ICAM3: variants seen among roughly 807,000 people sequenced by gnomAD.
ICAM3 encodes the protein intercellular adhesion molecule 3, also known as ICAM-3.
Under a neutral mutation model 43.6 loss-of-function variants are expected in ICAM3, and 54 were observed. The ratio of observed to expected loss-of-function variants is 1.24; its 90% CI spans 0.99 to 1.55. ICAM3 has a LOEUF of 1.55. ICAM3 is among the 40% of genes most tolerant of loss of function. ICAM3 has a pLI of 0.00. For synonymous variants in ICAM3, 306 were observed against 312.6 expected (o/e 0.98, Z 0.22); for missense variants, 715 against 717.9 (o/e 1.00, Z 0.05).
In ICAM3 at chr19:10,339,112, CAGA is replaced by C. The variant is rs1455876909; in HGVS notation, c.77-167_77-165del. ...AATCCATCAGAGACCGGGGAGAACT[CAGA>C]AGGAGGCCAGAAGAGGCTCTGATCC... is the stretch of plus-strand genomic sequence containing the variant. On this transcript the variant is annotated intron_variant, in intron 1 of 6. Transcript: ENST00000160262. The C allele has an allele frequency of 5.6e-6, 4 of 720,582 alleles. No homozygotes were observed. The Admixed American group carries it at 1.2e-4, about 21-fold the overall frequency. 44.6% of individuals were successfully genotyped at this position (720,582 alleles called of 1,614,324 possible). A position where few individuals can be genotyped will look rare whatever the true frequency, so the allele number is the denominator to read the frequency against.
intron 2 of ICAM3, 69 bp from the exon 3 acceptor site, chr19:10,336,045 G>A (rs527316385): frequency 5.2e-4 from 732 of 1,403,726 alleles, no homozygotes; most frequent in Non-Finnish European, 6.4e-4. Flanking sequence ...AGGGACTGGG[G>A]AGGAGACAGG....
intron 2 of ICAM3, among the ~76,000 whole-genome samples, chr19:10,338,417 A>G (rs1441955571): frequency 6.6e-6 from 1 of 151,924 alleles, no homozygotes; most frequent in Non-Finnish European, 1.5e-5. Flanking sequence ...AAAAAAAAAA[A>G]AATGCTTGTT....
intron 2 of ICAM3, among the ~76,000 whole-genome samples, chr19:10,337,037 G>A (rs2040605684): frequency 6.6e-6 from 1 of 151,834 alleles, no homozygotes; most frequent in Admixed American, 6.6e-5. Flanking sequence ...TTGAACCCAG[G>A]AGGCGGAGGT....
intron 1 of ICAM3, 40 bp downstream of exon 1, chr19:10,339,499 C>T (rs375409719): frequency 3.9e-5 from 61 of 1,575,910 alleles, no homozygotes; most frequent in Non-Finnish European, 4.9e-5. Context: ...ATCCCCAAAA[C>T]GCAGCCCTCT....
At chr19:10,335,451 CCTT>C (rs1430473771) in intron 3 of ICAM3, 98 bp from the exon 4 acceptor site, 21 of 1,243,108 alleles carry the variant, frequency 1.7e-5, no homozygotes, top group South Asian at 5.9e-5. Context: ...ACTGGGTCAC[CCTT>C]CTTCACAGGA....
intron 1 of ICAM3, 118 bp downstream of exon 1, chr19:10,339,421 G>A (rs2040632922): frequency 4.6e-6 from 4 of 862,488 alleles, no homozygotes; most frequent in South Asian, 1.6e-5. Flanking sequence ...AGGATACAGA[G>A]TCAGCGGCCA....
chr19:10,335,523 T>C, intron 3 of ICAM3, 148 bp downstream of exon 3: 1 of 1,118,374 alleles, frequency 8.9e-7, no homozygotes, highest in East Asian at 2.6e-5. Context: ...CGGGCCTCCC[T>C]TCCGGGGCCA....
At chr19:10,336,790 G>T (rs2040602015) in intron 2 of ICAM3, among the ~76,000 whole-genome samples, 1 of 121,570 alleles carries the variant, frequency 8.2e-6, no homozygotes, top group Non-Finnish European at 1.6e-5. Flanking sequence ...TGGCGACAGA[G>T]AGAGACTCTA....
At chr19:10,338,200 T>A (rs7254330) in intron 2 of ICAM3, among the ~76,000 whole-genome samples, 30,687 of 151,696 alleles carry the variant, frequency 0.2, 3,210 homozygotes, top group South Asian at 0.26. Flanking sequence ...GGTCAGGAGT[T>A]CAAGACCAGA....
chr19:10,335,648 C>T, intron 3 of ICAM3, 23 bp downstream of exon 3: 1 of 1,575,188 alleles, frequency 6.3e-7, no homozygotes, highest in East Asian at 2.3e-5. Flanking sequence ...TCGTCACCCA[C>T]CGTCTGAAGC....
rs1299102546 is a variant in ICAM3, at chr19:10,339,547, A to T, written c.68T>A (p.Leu23Gln). 4.3e-6 allele frequency: 7 copies of T among 1,613,708 alleles called. No individual in the cohort carries two copies. The highest frequency in any genetic ancestry group is 5.1e-6 in the Non-Finnish European group (6 of 1,179,812). ...ACWTLLVCCL[L>Q]TPGVQGQEFL... ...GGCTTGACTGGTCTCACCTGGGGTC[A>T]GCAGACAGCAGACCAGCAGAGTCCA... is the stretch of plus-strand genomic sequence containing the variant. Residue 23 changes from leucine to glutamine, a missense_variant, in exon 1 of 7, where the codon CTG (leucine) becomes CAG (glutamine). Physicochemically the swap from Leu to Gln is moderately radical, Grantham distance 113. Coordinates refer to ENST00000160262, the MANE Select transcript of ICAM3 (RefSeq NM_002162.5).
At chr19:10,335,019 GC>G in intron 4 of ICAM3, 46 bp downstream of exon 4, 1 of 1,575,156 alleles carries the variant, frequency 6.3e-7, no homozygotes, top group South Asian at 1.2e-5. Flanking sequence ...CCTCTGCCAC[GC>G]CCCCAGACTG....
rs7258015 is a variant in ICAM3 at position 10,338,682 on chromosome 19, T to C, written c.343A>G (p.Arg115Gly). ...CCCACCTCCGGACACGTCGACTCAC[T>C]GTACACGGTGATGTTAGAGGAGCCT... is the stretch of plus-strand genomic sequence containing the variant. ...ITGSSNITVY[R>G]LPERVELAPL... The change falls in exon 2 of 7, where the codon AGG becomes GGG. Residue 115 changes from arginine to glycine, a missense_variant and splice_region_variant. Arg to Gly is a moderately radical substitution (Grantham distance 125, BLOSUM62 -2). Transcript: ENST00000160262. The C allele has an allele frequency of 0.22, 357,490 of 1,612,954 alleles. 40,663 individuals are homozygous for C. Among genetic ancestry groups the C allele is most frequent in the South Asian group, 0.27 (24,742 of 91,070 alleles).
rs746875907 is a variant in ICAM3 at position 10,334,439 on chromosome 19, C to G, written c.1193-31G>C. ...GAACCACCATGTGTGATCAGACACC[C>G]AACACACCCGAGGCACAGTGGTGCA... is the stretch of plus-strand genomic sequence containing the variant. On this transcript the variant is annotated intron_variant, in intron 5 of 6. Coordinates refer to ENST00000160262, the MANE Select transcript of ICAM3 (RefSeq NM_002162.5). The surrounding 1 kb of genome is among the most constrained non-coding windows in gnomAD (Gnocchi z 5.5). 6.2e-7 allele frequency: 1 copy of G among 1,612,628 alleles called. No individual in the cohort carries two copies. Among genetic ancestry groups the G allele is most frequent in the South Asian group, 1.1e-5 (1 of 90,972 alleles).
At chr19:10,336,481 G>C (rs1599313247) in intron 2 of ICAM3, among the ~76,000 whole-genome samples, 1 of 152,034 alleles carries the variant, frequency 6.6e-6, no homozygotes, top group East Asian at 1.9e-4. Context: ...ACACTCCCAG[G>C]CTGGGTGCCC....
At position 10,335,150 on chromosome 19, in the gene ICAM3, C is replaced by G; in HGVS notation, c.853G>C (p.Asp285His). The G allele has an allele frequency of 6.2e-7, 1 of 1,613,814 alleles. No individual in the cohort carries two copies. The highest frequency in any genetic ancestry group is 8.5e-7 in the Non-Finnish European group (1 of 1,180,004). ...ACGATCTCCCGGGCACCCTCCTGAT[C>G]CGCGCGCGCCGTGGCTGTGGCTGTG... ...TATATATARA[D>H]QEGAREIVCN... Residue 285 changes from aspartate (D) to histidine (H), a missense_variant, in exon 4 of 7, where the codon GAT (aspartate) becomes CAT (histidine). Physicochemically the swap from Asp to His is moderately conservative, Grantham distance 81. Transcript: ENST00000160262.
chr19:10,335,539 C>T (rs1599311903), intron 3 of ICAM3, 132 bp downstream of exon 3: 1 of 1,163,104 alleles, frequency 8.6e-7, no homozygotes. Flanking sequence ...GGCCACCTTG[C>T]CCAGTGGCCG....
At position 10,335,996 on chromosome 19, in the gene ICAM3, T is replaced by G. The variant is rs77358503; in HGVS notation, c.344-20A>C. Reference sequence around the variant, plus strand: ...GGAGCCCTGAGAGAGGAGGGGAGGATGGCACTTAGCGGGTCCTGCAAACCC... The same window carrying G: ...GGAGCCCTGAGAGAGGAGGGGAGGAGGGCACTTAGCGGGTCCTGCAAACCC... On this transcript the variant is annotated intron_variant, in intron 2 of 6. Transcript: ENST00000160262. The G allele has an allele frequency of 4.6e-3, 7,038 of 1,525,588 alleles. 106 individuals carry two copies. The East Asian group carries it at 0.056, about 12-fold the overall frequency. 94.5% of individuals were successfully genotyped at this position (1,525,588 alleles called of 1,614,324 possible).
rs760927192 is a variant in ICAM3 at position 10,335,065 on chromosome 19, C to G, written c.937+1G>C. Reference sequence around the variant, plus strand: ...CGCCCCCTTCCCACGCCTCCTCTTACTAAAGACCGTCAAGTTCTCCCGGGC... The same window carrying G: ...CGCCCCCTTCCCACGCCTCCTCTTAGTAAAGACCGTCAAGTTCTCCCGGGC... On this transcript the variant is annotated splice_donor_variant, in intron 4 of 6. Transcript: ENST00000160262. LOFTEE classifies it high-confidence loss of function. 8.7e-6 allele frequency: 14 copies of G among 1,611,650 alleles called. No individual in the cohort carries two copies. The East Asian group carries it at 2.0e-4, about 23-fold the overall frequency.
Sources: allele counts gnomAD v4.1 joint callset (sites outside exome capture counted in the v4.1 genomes callset), GRCh38; gene constraint gnomAD v4.1.1; non-coding constraint Gnocchi (gnomAD v3.1); transcripts MANE v1.5; gene names NCBI Gene and HGNC (gene_info 2026-07-23, HGNC 2026-07-21).